Variants in ST6GALNAC1 observed in about 807,000 individuals in gnomAD.
ST6GALNAC1 encodes the protein ST6 N-acetylgalactosaminide alpha-2,6-sialyltransferase 1.
A neutral mutation model predicts 56.8 loss-of-function variants in ST6GALNAC1; 45 were observed. The ratio of observed to expected loss-of-function variants is 0.79; its 90% CI spans 0.62 to 1.02. The LOEUF (loss-of-function observed/expected upper bound fraction) is 1.02. ST6GALNAC1 is among the 50% of genes least tolerant of loss of function. The pLI, the probability that ST6GALNAC1 is intolerant of heterozygous loss-of-function variation, is 0.00. For missense variants in ST6GALNAC1, 743 were observed against 754.8 expected, an observed-to-expected ratio of 0.98 and a Z score of 0.18; for synonymous variants, 295 against 297.8, an observed-to-expected ratio of 0.99 and a Z score of 0.10.
At chr17:76,619,769 A>ATG (rs2075722437), downstream of ST6GALNAC1, among the ~76,000 whole-genome samples, 1 of 112,940 alleles carries the variant, frequency 8.9e-6, no homozygotes, top group Non-Finnish European at 1.7e-5. Flanking sequence ...TTTTTTAGGC[A>ATG]GAGTCTCACT....
intron 1 of ST6GALNAC1, among the ~76,000 whole-genome samples, chr17:76,641,467 G>A (rs757631357): frequency 9.2e-5 from 14 of 151,972 alleles, no homozygotes; most frequent in African/African-American, 1.5e-4. Flanking sequence ...ATATGAACAG[G>A]TCATTCATAG....
At chr17:76,638,944 C>T (rs951837208) in intron 1 of ST6GALNAC1, among the ~76,000 whole-genome samples, 1 of 152,136 alleles carries the variant, frequency 6.6e-6, no homozygotes, top group Admixed American at 6.6e-5. Flanking sequence ...CCAAGTCCAG[C>T]TGATCTGACT....
At chr17:76,620,330 G>A (rs979667213), downstream of ST6GALNAC1, among the ~76,000 whole-genome samples, 14 of 152,056 alleles carry the variant, frequency 9.2e-5, no homozygotes, top group African/African-American at 3.1e-4. Flanking sequence ...GTGAGCCACC[G>A]CACCCAGCCT....
chr17:76,629,769 A>AT, intron 1 of ST6GALNAC1, 58 bp from the exon 2 acceptor site: 1 of 1,306,842 alleles, frequency 7.7e-7, no homozygotes, highest in Admixed American at 2.2e-5. Flanking sequence ...GGTCAGAAGC[A>AT]TAAGTAGTTT....
chr17:76,637,580 A>AT (rs1289729030), intron 1 of ST6GALNAC1: 1 of 397,822 alleles, frequency 2.5e-6, no homozygotes, highest in Non-Finnish European at 4.4e-6. Context: ...AACAAAAAAA[A>AT]CCCAAAAAAA....
chr17:76,621,228 G>T (rs1158551520), downstream of ST6GALNAC1, among the ~76,000 whole-genome samples: 1 of 136,414 alleles, frequency 7.3e-6, no homozygotes, highest in East Asian at 2.1e-4. Context: ...CTGTCACCAG[G>T]CTGGAGTGCA....
intron 8 of ST6GALNAC1, 99 bp downstream of exon 8, chr17:76,625,720 G>A (rs1449164585): frequency 5.8e-6 from 7 of 1,213,084 alleles, no homozygotes; most frequent in African/African-American, 1.5e-5. Context: ...CCCAGCAGAT[G>A]TGGGCACCCA....
rs748079375 is a variant in ST6GALNAC1, at chr17:76,643,634, C to A, written c.5G>T (p.Arg2Met). The A allele has an allele frequency of 6.2e-7, 1 of 1,613,928 alleles. No homozygotes were observed. M[R>M]SCLWRCRHLS... ...GTGCCTGCATCTCCACAGGCAGGAC[C>A]TCATGGTGGTGGGTCGGGTTCTAGA... Residue 2 changes from arginine to methionine, a missense_variant, in exon 1 of 9, where the codon AGG (arginine) becomes ATG (methionine). Physicochemically the swap from Arg to Met is moderately conservative, Grantham distance 91. Coordinates refer to ENST00000156626, the MANE Select transcript of ST6GALNAC1 (RefSeq NM_018414.5).
chr17:76,636,761 TGG>T (rs1450825438), intron 1 of ST6GALNAC1, among the ~76,000 whole-genome samples: 2 of 152,186 alleles, frequency 1.3e-5, no homozygotes, highest in East Asian at 3.9e-4. Context: ...CCACCCCATC[TGG>T]GAGGTGTACC....
At chr17:76,640,086 G>T (rs958280075) in intron 1 of ST6GALNAC1, among the ~76,000 whole-genome samples, 2 of 152,078 alleles carry the variant, frequency 1.3e-5, no homozygotes, top group African/African-American at 2.4e-5. Context: ...CCGCAGGAGG[G>T]TCCTTTCTAG....
chr17:76,626,573 C>G, intron 5 of ST6GALNAC1, 78 bp downstream of exon 5: 7 of 1,592,024 alleles, frequency 4.4e-6, no homozygotes, highest in Non-Finnish European at 5.1e-6. Flanking sequence ...CGGATGAAAG[C>G]CTCTCCTCTC....
chr17:76,628,051 T>C (rs181899376), intron 2 of ST6GALNAC1, among the ~76,000 whole-genome samples: 26 of 147,718 alleles, frequency 1.8e-4, no homozygotes, highest in Non-Finnish European at 3.3e-4. Context: ...GAGCCGAGAT[T>C]GCGCCACTGC....
chr17:76,626,994 A>G (rs1416514872), intron 4 of ST6GALNAC1, 73 bp downstream of exon 4: 2 of 1,385,486 alleles, frequency 1.4e-6, no homozygotes, highest in African/African-American at 1.6e-5. Flanking sequence ...AAGAGGGGCA[A>G]GAGAGGGGCT....
At chr17:76,622,570 G>A (rs375724975), downstream of ST6GALNAC1, among the ~76,000 whole-genome samples, 177 of 152,076 alleles carry the variant, frequency 1.2e-3, no homozygotes, top group South Asian at 1.7e-3. Flanking sequence ...TCGCCATGTT[G>A]GCCAGAATGG....
At chr17:76,619,836 C>G (rs1439781862), downstream of ST6GALNAC1, among the ~76,000 whole-genome samples, 2 of 146,488 alleles carry the variant, frequency 1.4e-5, no homozygotes, top group African/African-American at 5.1e-5. Flanking sequence ...CTCTGCCTCT[C>G]AAGTTCAAGC....
At chr17:76,634,378 C>T (rs2075947273) in intron 1 of ST6GALNAC1, among the ~76,000 whole-genome samples, 1 of 152,110 alleles carries the variant, frequency 6.6e-6, no homozygotes, top group African/African-American at 2.4e-5. Context: ...GCCCTGTGTC[C>T]CTCTCCACTC....
chr17:76,638,662 GCT>G (rs1431182456), intron 1 of ST6GALNAC1, among the ~76,000 whole-genome samples: 4 of 152,004 alleles, frequency 2.6e-5, no homozygotes. Flanking sequence ...CTCACAGCAA[GCT>G]CTGCCTCCCG....
chr17:76,623,766 T>C (rs2075762396), downstream of ST6GALNAC1, among the ~76,000 whole-genome samples: 1 of 152,272 alleles, frequency 6.6e-6, no homozygotes, highest in Non-Finnish European at 1.5e-5. Context: ...TGGCTTATAC[T>C]AGCAGAGTGA....
chr17:76,643,498 A>G lies in ST6GALNAC1; in HGVS notation c.131+10T>C, dbSNP rs770929331. On this transcript the variant is annotated intron_variant, in intron 1 of 8. Coordinates refer to ENST00000156626, the MANE Select transcript of ST6GALNAC1 (RefSeq NM_018414.5). ...TGAAATATGAGGAGTGGAAAGGACA[A>G]GAATCTTACCTGGAAGGCTTTGTTT... The G allele has an allele frequency of 2.5e-6, 4 of 1,613,586 alleles. No homozygotes were observed. The highest frequency in any genetic ancestry group is 1.6e-4 in the Middle Eastern group (1 of 6,062).
Sources: gnomAD v4.1 joint callset for allele counts (sites outside exome capture counted in the v4.1 genomes callset) on GRCh38, gnomAD v4.1.1 for gene constraint, MANE v1.5 for transcripts, NCBI Gene and HGNC (gene_info 2026-07-23, HGNC 2026-07-21) for gene names.